Variants in FOXN3 observed in about 807,000 individuals in gnomAD.
The protein encoded by FOXN3 is forkhead box protein N3.
Under a neutral mutation model 38.4 loss-of-function variants are expected in FOXN3, and 7 were observed. The observed-to-expected ratio is 0.18, with a 90% CI of 0.10 to 0.34. FOXN3 has a LOEUF of 0.34. Among genes scored for constraint, FOXN3 ranks in the 10% least tolerant of loss-of-function variants. The pLI, the probability that FOXN3 is intolerant of heterozygous loss-of-function variation, is 1.00. For synonymous variants in FOXN3, 230 were observed against 242.2 expected, an observed-to-expected ratio of 0.95 and a Z score of 0.47; for missense variants, 456 against 613.4, an observed-to-expected ratio of 0.74 and a Z score of 2.71.
At chr14:89,354,263 T>G (rs1168776970) in intron 2 of FOXN3, among the ~76,000 whole-genome samples, 1 of 151,588 alleles carries the variant, frequency 6.6e-6, no homozygotes, top group Non-Finnish European at 1.5e-5. Flanking sequence ...GTCTCGCTCT[T>G]GTTGCCCAGG....
intron 1 of FOXN3, among the ~76,000 whole-genome samples, chr14:89,476,542 T>C (rs572421618): frequency 1.3e-5 from 2 of 152,346 alleles, no homozygotes; most frequent in East Asian, 3.9e-4. Context: ...TGCTCAAATA[T>C]CCATTTTGGG....
chr14:89,282,153 C>T (rs1396882879), intron 3 of FOXN3, among the ~76,000 whole-genome samples: 1 of 152,048 alleles, frequency 6.6e-6, no homozygotes, highest in African/African-American at 2.4e-5. Context: ...GGACACATTA[C>T]ATGATTGAGG....
At chr14:89,174,650 T>C (rs1887474643) in intron 5 of FOXN3, among the ~76,000 whole-genome samples, 1 of 152,200 alleles carries the variant, frequency 6.6e-6, no homozygotes, top group Non-Finnish European at 1.5e-5. Flanking sequence ...GGAGCAGCTC[T>C]AGAATGTTGA....
At chr14:89,389,195 T>A (rs1366750717) in intron 2 of FOXN3, among the ~76,000 whole-genome samples, 1 of 152,188 alleles carries the variant, frequency 6.6e-6, no homozygotes, top group African/African-American at 2.4e-5. Flanking sequence ...CTCTGATTCT[T>A]TCCTGCAAAC....
At chr14:89,576,548 AAACCC>A (rs1895624851) in intron 1 of FOXN3, 1 of 151,852 alleles carries the variant, frequency 6.6e-6, no homozygotes, top group African/African-American at 2.4e-5. Context: ...AAAAAAAAAA[AAACCC>A]AAAACAAAAC....
chr14:89,435,999 A>ATTTTTC (rs972919727), intron 1 of FOXN3, among the ~76,000 whole-genome samples: 1 of 115,010 alleles, frequency 8.7e-6, no homozygotes, highest in Non-Finnish European at 1.9e-5. Flanking sequence ...TTCATCACTC[A>ATTTTTC]TTTTTCTTTA....
intron 1 of FOXN3, among the ~76,000 whole-genome samples, chr14:89,479,848 G>A (rs1156913258): frequency 1.3e-5 from 2 of 152,228 alleles, no homozygotes; most frequent in Middle Eastern, 6.8e-3. Flanking sequence ...GGAGCACCTA[G>A]AGCCATTACC....
At chr14:89,284,478 T>C (rs1266864987) in intron 3 of FOXN3, 1 of 456,082 alleles carries the variant, frequency 2.2e-6, no homozygotes, top group South Asian at 1.5e-5. Context: ...ATCTTCCAGC[T>C]TTCCTCTTCT....
rs1826833640 is a variant in FOXN3 at position 89,231,548 on chromosome 14, T to A, written c.745+49402A>T. ...AGGGCAGAGTAGGGATATGATCTGA[T>A]TTGCCAGGCAGTATGACAGAGGAGT... On this transcript the variant is annotated intron_variant, in intron 4 of 5. Transcript: ENST00000557258. 2.0e-5 allele frequency among the ~76,000 whole-genome samples: 3 copies of A among 152,082 alleles called. No individual in the cohort carries two copies. The South Asian group carries it at 6.2e-4, about 32-fold the overall frequency.
At chr14:89,603,207 A>G (rs1896194598) in intron 1 of FOXN3, among the ~76,000 whole-genome samples, 1 of 152,160 alleles carries the variant, frequency 6.6e-6, no homozygotes, top group African/African-American at 2.4e-5. Context: ...CTTTTTTGCT[A>G]TTATGATCCA....
chr14:89,363,988 A>ATATATAATAT (rs1420813459), intron 2 of FOXN3, among the ~76,000 whole-genome samples: 1 of 52,066 alleles, frequency 1.9e-5, no homozygotes, highest in Non-Finnish European at 3.8e-5. Flanking sequence ...ATATATATAT[A>ATATATAATAT]ATATATATAT....
At chr14:89,291,068 A>G (rs972941853) in intron 3 of FOXN3, 2 of 496,034 alleles carry the variant, frequency 4.0e-6, no homozygotes, top group Admixed American at 4.3e-5. Flanking sequence ...ACCTCACCCA[A>G]TCCACACGGT....
Position 89,489,442 on chromosome 14 carries a change from C to T in FOXN3, c.-14-76952G>A, listed in dbSNP as rs562116940. Among the ~76,000 whole-genome samples the T allele has an allele frequency of 3.9e-5, 6 of 152,318 alleles. No individual in the cohort carries two copies. In the South Asian group the frequency reaches 1.2e-3, roughly 32 times the overall value. On this transcript the variant is annotated intron_variant, in intron 1 of 6. Transcript: ENST00000345097. ...TTCTCCTTTTAAATATTTGCAGATA[C>T]AGCAGTTCTGAGGAACAAACTTGGC...
chr14:89,231,609 T>C (rs1884810871), intron 4 of FOXN3, among the ~76,000 whole-genome samples: 1 of 151,972 alleles, frequency 6.6e-6, no homozygotes, highest in African/African-American at 2.4e-5. Context: ...TACAGCGGGA[T>C]GTGGGCACCA....
At chr14:89,518,632 A>C (rs184815817) in intron 1 of FOXN3, among the ~76,000 whole-genome samples, 1 of 152,360 alleles carries the variant, frequency 6.6e-6, no homozygotes, top group African/African-American at 2.4e-5. Flanking sequence ...ATTTTAAATA[A>C]AATGTTTAAA....
chr14:89,207,238 G>GCAAAA (rs1408757786), intron 4 of FOXN3, among the ~76,000 whole-genome samples: 1 of 151,322 alleles, frequency 6.6e-6, no homozygotes, highest in Non-Finnish European at 1.5e-5. Flanking sequence ...ACAAAATAAA[G>GCAAAA]CAAAACAAAA....
At chr14:89,436,723 T>G (rs1455231614) in intron 1 of FOXN3, among the ~76,000 whole-genome samples, 2 of 152,234 alleles carry the variant, frequency 1.3e-5, no homozygotes, top group South Asian at 4.1e-4. Flanking sequence ...TGACTTCCTG[T>G]TCACAAAGTA....
chr14:89,582,486 C>T lies in FOXN3; in HGVS notation c.-15+36542G>A, dbSNP rs1346448298. On this transcript the variant is annotated intron_variant, in intron 1 of 6. Coordinates refer to the FOXN3 transcript ENST00000345097. Reference sequence around the variant, plus strand: ...CCTAGGTGAGTTGACTTTAAACTCACCTTTTTTTTTTTTTTTTTTTTGAGA... The same window carrying T: ...CCTAGGTGAGTTGACTTTAAACTCATCTTTTTTTTTTTTTTTTTTTTGAGA... 3.3e-5 allele frequency among the ~76,000 whole-genome samples: 4 copies of T among 119,776 alleles called. No individual in the cohort carries two copies. The East Asian group carries it at 9.1e-4, about 27-fold the overall frequency. The allele number at this position is 119,776 out of a possible 152,430, so 78.6% of individuals were successfully genotyped here.
chr14:89,179,955 T>C (rs1887621877), intron 5 of FOXN3, among the ~76,000 whole-genome samples: 1 of 152,046 alleles, frequency 6.6e-6, no homozygotes, highest in Non-Finnish European at 1.5e-5. Flanking sequence ...TCACAGAAGG[T>C]GCTTCTGCAG....
Sources: gnomAD v4.1 joint callset for allele counts (sites outside exome capture counted in the v4.1 genomes callset) on GRCh38, gnomAD v4.1.1 for gene constraint, MANE v1.5 for transcripts, NCBI Gene and HGNC (gene_info 2026-07-23, HGNC 2026-07-21) for gene names.